GAREM1: variants seen among roughly 807,000 people sequenced by gnomAD.
GAREM1 encodes the protein GRB2-associated and regulator of MAPK protein 1.
GAREM1 carries 26 observed loss-of-function variants against 71.3 expected under a neutral mutation model. The observed-to-expected ratio is 0.36, with a 90% CI of 0.27 to 0.51. GAREM1 has a LOEUF of 0.51. Ranked by LOEUF, GAREM1 falls within the 20% of genes least tolerant of loss-of-function variation. The pLI is 0.95. For synonymous variants in GAREM1, 440 were observed against 433.2 expected, an observed-to-expected ratio of 1.02 and a Z score of -0.20; for missense variants, 1,026 against 1,103.1, an observed-to-expected ratio of 0.93 and a Z score of 0.99.
In GAREM1 at chr18:32,268,748, G is replaced by A. The variant is rs138732163; in HGVS notation, c.1754C>T (p.Thr585Ile). 6.8e-6 allele frequency: 11 copies of A among 1,613,776 alleles called. 1 individual carries two copies. In the South Asian group the frequency reaches 7.7e-5, roughly 11 times the overall value. Residue 585 changes from threonine (T) to isoleucine (I), a missense_variant, in exon 6 of 6, where the codon ACA (threonine) becomes ATA (isoleucine). Thr to Ile is a moderately conservative substitution (Grantham distance 89, BLOSUM62 -1). This residue lies in a region of GAREM1 where 636 missense variants were observed against 631.2 expected (regional missense o/e 1.01). Coordinates refer to ENST00000269209, the MANE Select transcript of GAREM1 (RefSeq NM_001242409.2). ...LHNISVTKTD[T>I]NPSESTPVSC... is the part of the protein sequence containing the mutation. ...AACAGGAGTGCTTTCAGAAGGATTT[G>A]TGTCAGTTTTAGTGACGCTGCTTAA...
At chr18:32,334,903 AC>A (rs1202995580) in intron 2 of GAREM1, among the ~76,000 whole-genome samples, 2 of 151,894 alleles carry the variant, frequency 1.3e-5, no homozygotes, top group African/African-American at 4.8e-5. Flanking sequence ...ATATCTAGAC[AC>A]CTCTGCCAGA....
intron 2 of GAREM1, among the ~76,000 whole-genome samples, chr18:32,328,069 T>C (rs923205793): frequency 6.6e-6 from 1 of 152,204 alleles, no homozygotes; most frequent in Non-Finnish European, 1.5e-5. Context: ...TTTAAACTAT[T>C]AGTCAAAATA....
intron 1 of GAREM1, among the ~76,000 whole-genome samples, chr18:32,428,167 G>C (rs1006042154): frequency 6.6e-6 from 1 of 152,116 alleles, no homozygotes; most frequent in Admixed American, 6.5e-5. Flanking sequence ...CGAAAAACTT[G>C]TATTTGCAAG....
intron 2 of GAREM1, among the ~76,000 whole-genome samples, chr18:32,318,865 A>C (rs1490319009): frequency 6.6e-6 from 1 of 152,202 alleles, no homozygotes; most frequent in East Asian, 1.9e-4. Flanking sequence ...ATGTTGCTGA[A>C]ACCAGCCCAA....
At chr18:32,338,804 G>A (rs564850841) in intron 2 of GAREM1, among the ~76,000 whole-genome samples, 49 of 152,252 alleles carry the variant, frequency 3.2e-4, no homozygotes, top group African/African-American at 1.1e-3. Flanking sequence ...GTTTGATCAC[G>A]GTATACAGAT....
intron 2 of GAREM1, among the ~76,000 whole-genome samples, chr18:32,340,385 TC>T (rs2047636427): frequency 1.3e-5 from 2 of 152,138 alleles, no homozygotes; most frequent in Admixed American, 6.5e-5. Flanking sequence ...GGTCAAAGCT[TC>T]CCAGGGAAGT....
Position 32,264,781 on chromosome 18 carries a change from G to T in GAREM1, c.*3090C>A, listed in dbSNP as rs2041350633. On this transcript the variant is annotated 3_prime_UTR_variant, in exon 6 of 6. Transcript: ENST00000269209. The stretch of plus-strand genomic sequence containing the variant: ...GTCTGAATTCTGCCTCCCAACATGA[G>T]TCAGGTCCACATTATACATTTTAGT... 1 of 152,206 alleles carries T rather than the reference G, an allele frequency of 6.6e-6. No homozygotes were observed. The highest frequency in any genetic ancestry group is 1.5e-5 in the Non-Finnish European group (1 of 68,046). The allele number at this position is 152,206 out of a possible 1,614,324, so 9.4% of individuals were successfully genotyped here.
At position 32,288,160 on chromosome 18, in the gene GAREM1, ATGT is replaced by A; in HGVS notation, c.434_436del (p.Asn145del). ...GAGTTCATCCCCAGTACACAGGGTG[ATGT>A]TGTAAACTTCAGTGTCTTCATTGCA... is the stretch of plus-strand genomic sequence containing the variant. On this transcript the variant is annotated inframe_deletion, in exon 4 of 6. Coordinates refer to ENST00000269209, the MANE Select transcript of GAREM1 (RefSeq NM_001242409.2). 6.2e-7 allele frequency: 1 copy of A among 1,613,460 alleles called. No homozygotes were observed. The highest frequency in any genetic ancestry group is 1.3e-5 in the African/African-American group (1 of 74,990).
At chr18:32,331,726 A>C (rs2047536903) in intron 2 of GAREM1, 1 of 152,174 alleles carries the variant, frequency 6.6e-6, no homozygotes, top group African/African-American at 2.4e-5. Flanking sequence ...CCTAAATAAT[A>C]AGAGGAGGGA....
intron 2 of GAREM1, among the ~76,000 whole-genome samples, chr18:32,340,677 G>T (rs1187861165): frequency 1.3e-5 from 2 of 152,162 alleles, no homozygotes; most frequent in Non-Finnish European, 1.5e-5. Flanking sequence ...AATAGGAAAA[G>T]AAGTAATAGC....
intron 2 of GAREM1, among the ~76,000 whole-genome samples, chr18:32,339,608 C>A (rs1205771427): frequency 6.6e-6 from 1 of 152,198 alleles, no homozygotes; most frequent in African/African-American, 2.4e-5. Flanking sequence ...TCTTCTAAAT[C>A]TCTTCCTAGC....
intron 2 of GAREM1, among the ~76,000 whole-genome samples, chr18:32,356,247 A>G (rs2047803683): frequency 6.6e-6 from 1 of 152,228 alleles, no homozygotes; most frequent in African/African-American, 2.4e-5. Context: ...ATTATATACC[A>G]GGAATATTTG....
At position 32,412,344 on chromosome 18, in the gene GAREM1, C is replaced by A. The variant is rs950960783; in HGVS notation, c.122-19309G>T. The stretch of plus-strand genomic sequence containing the variant: ...AGAGTTTCTGCCTCCAAAATTTCCT[C>A]CCTTCATGGGTCCAAAATTTGAAGA... On this transcript the variant is annotated intron_variant, in intron 1 of 5. Coordinates refer to ENST00000269209, the MANE Select transcript of GAREM1 (RefSeq NM_001242409.2). 4.4e-6 allele frequency: 7 copies of A among 1,594,022 alleles called. No individual in the cohort carries two copies. In the South Asian group the frequency reaches 6.6e-5, roughly 15 times the overall value.
chr18:32,313,271 G>A (rs1227261500), intron 2 of GAREM1, among the ~76,000 whole-genome samples: 8 of 152,156 alleles, frequency 5.3e-5, no homozygotes, highest in Non-Finnish European at 7.3e-5. Context: ...TCCTGGGTGG[G>A]AGGGAAGTGG....
At chr18:32,384,036 T>C (rs1379440718) in intron 2 of GAREM1, among the ~76,000 whole-genome samples, 3 of 152,300 alleles carry the variant, frequency 2.0e-5, no homozygotes, top group Middle Eastern at 3.4e-3. Context: ...ATATCTCTCA[T>C]AAAGCTCTTA....
rs764434766 is a variant in GAREM1, at chr18:32,287,574, C to T, written c.1023G>A (p.Arg341=). The change falls in exon 4 of 6, where the codon CGG becomes CGA. Residue 341 remains arginine, a synonymous_variant. Coordinates refer to ENST00000269209, the MANE Select transcript of GAREM1 (RefSeq NM_001242409.2). This position sits in a 1 kb window ranked among gnomAD's most constrained non-coding sequence, Gnocchi z 5.9. ...QEQFDIDEYS[R]AVRDVKTDWN... Reference sequence around the variant, plus strand: ...AGTCGGTTTTCACATCACGGACAGCCCGTGAATACTCATCGATGTCGAACT... The same window carrying T: ...AGTCGGTTTTCACATCACGGACAGCTCGTGAATACTCATCGATGTCGAACT... 29 of 1,614,058 alleles carry T rather than the reference C, an allele frequency of 1.8e-5. No homozygotes were observed. Among genetic ancestry groups the T allele is most frequent in the East Asian group, 2.2e-5 (1 of 44,894 alleles).
chr18:32,436,502 T>C (rs1343934109), intron 1 of GAREM1, among the ~76,000 whole-genome samples: 1 of 152,090 alleles, frequency 6.6e-6, no homozygotes, highest in Non-Finnish European at 1.5e-5. Context: ...GGGTAAAAGG[T>C]TACAAAATTA....
At chr18:32,457,489 A>G (rs923241507) in intron 1 of GAREM1, among the ~76,000 whole-genome samples, 5 of 152,000 alleles carry the variant, frequency 3.3e-5, no homozygotes, top group Non-Finnish European at 5.9e-5. Context: ...ACATTATTCA[A>G]CTGTACACAA....
intron 2 of GAREM1, among the ~76,000 whole-genome samples, chr18:32,377,624 C>T (rs1415797313): frequency 6.6e-6 from 1 of 152,162 alleles, no homozygotes; most frequent in East Asian, 1.9e-4. Context: ...AGTGCAGTGG[C>T]GCGATCTCAG....
Sources: allele counts gnomAD v4.1 joint callset (sites outside exome capture counted in the v4.1 genomes callset), GRCh38; gene constraint gnomAD v4.1.1; regional missense constraint gnomAD v4.1.1; non-coding constraint Gnocchi (gnomAD v3.1); transcripts MANE v1.5; gene names NCBI Gene and HGNC (gene_info 2026-07-23, HGNC 2026-07-21).